The following ERG variants were observed in gnomAD, a reference collection of about 807,000 sequenced individuals.
ERG encodes ETS transcription factor ERG.
ERG carries 9 observed loss-of-function variants against 55.3 expected under a neutral mutation model. The observed-to-expected ratio is 0.16, with a 90% CI of 0.10 to 0.28. ERG has a LOEUF of 0.28. ERG is among the 10% of genes least tolerant of loss of function. The probability of loss-of-function intolerance (pLI) is 1.00; values close to 1 mark genes in which losing one functional copy is unlikely to be tolerated. For missense variants in ERG, 434 were observed against 631.6 expected (o/e 0.69, Z 3.35); for synonymous variants, 223 against 237.3 (o/e 0.94, Z 0.55).
chr21:38,584,963 A>C (rs1312514905), upstream of ERG: 1 of 152,220 alleles, frequency 6.6e-6, no homozygotes, highest in Non-Finnish European at 1.5e-5. Flanking sequence ...TAAGTTGAAG[A>C]ATATTAAACC....
At chr21:38,583,348 A>T (rs1411262612) in intron 1 of ERG, among the ~76,000 whole-genome samples, 1 of 152,210 alleles carries the variant, frequency 6.6e-6, no homozygotes, top group Admixed American at 6.5e-5. Context: ...CAAGTGCAGG[A>T]TCAGTACCTA....
chr21:38,549,560 T>C (rs2059810673), intron 2 of ERG, among the ~76,000 whole-genome samples: 1 of 152,222 alleles, frequency 6.6e-6, no homozygotes, highest in Non-Finnish European at 1.5e-5. Flanking sequence ...TATTATTTGT[T>C]TTGCATTTAC....
chr21:38,419,633 C>G (rs545218651), intron 3 of ERG, among the ~76,000 whole-genome samples: 132 of 152,278 alleles, frequency 8.7e-4, no homozygotes, highest in Non-Finnish European at 1.6e-3. Flanking sequence ...CTACCGTGCT[C>G]TTTCATATGT....
intron 1 of ERG, among the ~76,000 whole-genome samples, chr21:38,612,810 CCT>C (rs2060235933): frequency 6.6e-6 from 1 of 151,978 alleles, no homozygotes; most frequent in Non-Finnish European, 1.5e-5. Flanking sequence ...ACTACAGGCG[CCT>C]GCCACCATGC....
chr21:38,540,612 G>A (rs971350509), intron 2 of ERG, among the ~76,000 whole-genome samples: 1 of 152,126 alleles, frequency 6.6e-6, no homozygotes, highest in Non-Finnish European at 1.5e-5. Context: ...CCTCCTCAAG[G>A]AGGGTTACAC....
At chr21:38,644,608 G>T (rs1395633853) in intron 1 of ERG, among the ~76,000 whole-genome samples, 4 of 152,150 alleles carry the variant, frequency 2.6e-5, no homozygotes, top group African/African-American at 9.7e-5. Flanking sequence ...TTTCAATGTA[G>T]TCCAAGGAAG....
At chr21:38,410,516 A>G (rs1988995489) in intron 3 of ERG, among the ~76,000 whole-genome samples, 2 of 152,266 alleles carry the variant, frequency 1.3e-5, no homozygotes, top group African/African-American at 4.8e-5. Flanking sequence ...AAACCATTAC[A>G]CACAGAGTTC....
At chr21:38,502,248 AC>A (rs1418738527), upstream of ERG, among the ~76,000 whole-genome samples, 1 of 152,268 alleles carries the variant, frequency 6.6e-6, no homozygotes, top group Non-Finnish European at 1.5e-5. Context: ...GTAGATGAAC[AC>A]TTAGCAATAT....
intron 1 of ERG, among the ~76,000 whole-genome samples, chr21:38,608,162 T>A (rs1189122506): frequency 6.6e-6 from 1 of 152,230 alleles, no homozygotes; most frequent in Non-Finnish European, 1.5e-5. Flanking sequence ...CCTGGATGAT[T>A]TTTAAAAATC....
chr21:38,634,517 C>A (rs564960529), intron 1 of ERG, among the ~76,000 whole-genome samples: 1 of 152,260 alleles, frequency 6.6e-6, no homozygotes, highest in East Asian at 1.9e-4. Context: ...GTGTAGATAA[C>A]AATCAACCTC....
chr21:38,559,383 C>CTTTTTTT (rs574207119), intron 2 of ERG, among the ~76,000 whole-genome samples: 6 of 92,062 alleles, frequency 6.5e-5, no homozygotes, highest in Admixed American at 2.9e-4. Flanking sequence ...TCCCATTTCC[C>CTTTTTTT]TTTTTTTTTT....
At chr21:38,394,236 A>G (rs887801150) in intron 6 of ERG, among the ~76,000 whole-genome samples, 3 of 152,208 alleles carry the variant, frequency 2.0e-5, no homozygotes, top group Non-Finnish European at 4.4e-5. Flanking sequence ...TATGTTCTAG[A>G]TCTCTGTTTC....
intron 1 of ERG, among the ~76,000 whole-genome samples, chr21:38,476,913 G>A (rs2059193199): frequency 6.6e-6 from 1 of 152,052 alleles, no homozygotes; most frequent in Non-Finnish European, 1.5e-5. Flanking sequence ...CCAGGTTTAG[G>A]GGACTGGACA....
At chr21:38,578,648 C>T (rs2060009530) in intron 1 of ERG, among the ~76,000 whole-genome samples, 2 of 152,006 alleles carry the variant, frequency 1.3e-5, no homozygotes, top group Non-Finnish European at 2.9e-5. Context: ...GCAGAGTCAC[C>T]CACCCCAATC....
Position 38,383,102 on chromosome 21 carries a change from A to C in ERG, c.*301T>G. The C allele has an allele frequency of 1.7e-6, 2 of 1,143,268 alleles. No individual in the cohort carries two copies. The highest frequency in any genetic ancestry group is 2.1e-6 in the Non-Finnish European group (2 of 931,428). The allele number at this position is 1,143,268 out of a possible 1,614,324, so 70.8% of individuals were successfully genotyped here. A position where few individuals can be genotyped will look rare whatever the true frequency, so the allele number is the denominator to read the frequency against. ...CTCTAAAGTTTATACATTTCTTAAG[A>C]CCACTTTCTTTGGCACTTTGTCCTT... On this transcript the variant is annotated 3_prime_UTR_variant, in exon 10 of 10. Coordinates refer to ENST00000288319, the MANE Select transcript of ERG (RefSeq NM_182918.4). The surrounding 1 kb of genome is among the most constrained non-coding windows in gnomAD (Gnocchi z 5.7).
chr21:38,429,976 T>C (rs1405101783), intron 2 of ERG, among the ~76,000 whole-genome samples: 1 of 152,248 alleles, frequency 6.6e-6, no homozygotes, highest in Non-Finnish European at 1.5e-5. Flanking sequence ...AGTTCCATAG[T>C]GGTTGTACTA....
intron 1 of ERG, among the ~76,000 whole-genome samples, chr21:38,454,610 T>C (rs1569112140): frequency 6.6e-6 from 1 of 152,174 alleles, no homozygotes; most frequent in Non-Finnish European, 1.5e-5. Flanking sequence ...CCAAATAATC[T>C]AGTGTGTGTA....
intron 1 of ERG, among the ~76,000 whole-genome samples, chr21:38,583,421 T>G (rs1040534516): frequency 2.0e-5 from 3 of 152,224 alleles, no homozygotes; most frequent in African/African-American, 7.2e-5. Flanking sequence ...CCCTGGCTCC[T>G]GCACTCCAAA....
intron 1 of ERG, among the ~76,000 whole-genome samples, chr21:38,616,544 C>A (rs1295442921): frequency 6.6e-6 from 1 of 152,090 alleles, no homozygotes; most frequent in Non-Finnish European, 1.5e-5. Context: ...GAGACAGTGC[C>A]TTCCCAACAC....
Sources: gnomAD v4.1 joint callset for allele counts (sites outside exome capture counted in the v4.1 genomes callset) on GRCh38, gnomAD v4.1.1 for gene constraint, Gnocchi (gnomAD v3.1) non-coding constraint, MANE v1.5 for transcripts, NCBI Gene and HGNC (gene_info 2026-07-23, HGNC 2026-07-21) for gene names.